The following NOTCH2NLC variants were observed in gnomAD, a reference collection of about 807,000 sequenced individuals.
NOTCH2NLC encodes the protein notch homolog 2 N-terminal-like protein C.
A neutral mutation model predicts 17.7 loss-of-function variants in NOTCH2NLC; 4 were observed. That is an observed-to-expected ratio of 0.23 (90% confidence interval 0.11 to 0.52). The LOEUF (loss-of-function observed/expected upper bound fraction) is 0.52, where lower values mean the gene tolerates loss of function less well. Ranked by LOEUF, NOTCH2NLC falls within the 20% of genes least tolerant of loss-of-function variation. NOTCH2NLC has a pLI of 0.96. For missense variants in NOTCH2NLC, 57 were observed against 207.2 expected (o/e 0.28, Z 4.45); for synonymous variants, 18 against 86.0 (o/e 0.21, Z 4.38).
chr1:149,419,660 T>G (rs1346513578), intron 1 of NOTCH2NLC, among the ~76,000 whole-genome samples: 9 of 149,338 alleles, frequency 6.0e-5, no homozygotes, highest in African/African-American at 2.2e-4. Context: ...AGGACTGGCG[T>G]TTTTAAGAGG....
intron 3 of NOTCH2NLC, among the ~76,000 whole-genome samples, chr1:149,461,620 T>C (rs2084650380): frequency 6.6e-6 from 1 of 151,294 alleles, no homozygotes; most frequent in Admixed American, 6.6e-5. Context: ...GTTCTCGCCA[T>C]CCCATTACTG....
chr1:149,390,855 C>G lies in NOTCH2NLC; in HGVS notation c.68C>G (p.Ala23Gly). The G allele has an allele frequency of 7.7e-7, 1 of 1,291,962 alleles. No homozygotes were observed. Among genetic ancestry groups the G allele is most frequent in the South Asian group, 1.6e-5 (1 of 63,896 alleles). 80.0% of individuals were successfully genotyped at this position (1,291,962 alleles called of 1,614,324 possible). Residue 23 changes from alanine (A) to glycine (G), a missense_variant, in exon 1 of 5, where the codon GCC becomes GGC. Around this residue, in one of 7 missense-constraint regions of NOTCH2NLC, gnomAD observed 25 missense variants for 27.0 expected, o/e 0.93. Coordinates refer to ENST00000650865, the MANE Select transcript of NOTCH2NLC (RefSeq NM_001364013.2). ...GGAGGAGGCGGCGACCGAGAAGATG[C>G]CCGCCCTGCGCCGCTCTGCTGTGGG... is the stretch of plus-strand genomic sequence containing the variant. Reference protein sequence around the residue: ...GGGGGGDREDARPAPLCCGRC... With the variant: ...GGGGGGDREDGRPAPLCCGRC...
intron 1 of NOTCH2NLC, 149 bp from the exon 2 acceptor site, chr1:149,430,793 C>T (rs1386538229): frequency 5.7e-5 from 26 of 456,432 alleles, no homozygotes; most frequent in African/African-American, 5.2e-4. Context: ...GAAGCCAAAA[C>T]ATAAAAAACT....
At position 149,465,107 on chromosome 1, in the gene NOTCH2NLC, CTATT is replaced by C. The variant is rs1229749682; in HGVS notation, c.*957_*960del. ...ATATTATTTAAGTCACAAGAACAAG[CTATT>C]TAATTATATTACTTTTAGTTTCTCT... On this transcript the variant is annotated 3_prime_UTR_variant, in exon 5 of 5. Transcript: ENST00000650865. 3.6e-5 allele frequency: 5 copies of C among 138,738 alleles called. No homozygotes were observed. Among genetic ancestry groups the C allele is most frequent in the Non-Finnish European group, 7.9e-5 (5 of 63,422 alleles). 8.6% of individuals were successfully genotyped at this position (138,738 alleles called of 1,614,324 possible).
At chr1:149,416,866 T>G (rs2084338275) in intron 1 of NOTCH2NLC, among the ~76,000 whole-genome samples, 2 of 139,266 alleles carry the variant, frequency 1.4e-5, no homozygotes, top group Non-Finnish European at 3.1e-5. Flanking sequence ...CATTAGGGCA[T>G]GTGTATGAGT....
chr1:149,416,846 G>T (rs2101476420), intron 1 of NOTCH2NLC, among the ~76,000 whole-genome samples: 1 of 142,118 alleles, frequency 7.0e-6, no homozygotes, highest in Non-Finnish European at 1.5e-5. Context: ...GCTAGTCAAT[G>T]GGTGTTAGTC....
At chr1:149,445,261 T>G (rs2084542787) in intron 2 of NOTCH2NLC, among the ~76,000 whole-genome samples, 1 of 147,734 alleles carries the variant, frequency 6.8e-6, no homozygotes, top group South Asian at 2.2e-4. Flanking sequence ...CTTGATTCTA[T>G]AGGCTCTGGG....
chr1:149,390,770 T>C lies in NOTCH2NLC; in HGVS notation c.-18T>C. The C allele has an allele frequency of 8.4e-7, 1 of 1,188,104 alleles. No individual in the cohort carries two copies. Among genetic ancestry groups the C allele is most frequent in the East Asian group, 4.1e-5 (1 of 24,104 alleles). 73.6% of individuals were successfully genotyped at this position (1,188,104 alleles called of 1,614,324 possible). A position where few individuals can be genotyped will look rare whatever the true frequency, so the allele number is the denominator to read the frequency against. On this transcript the variant is annotated 5_prime_UTR_variant, in exon 1 of 5. Transcript: ENST00000650865. ...AGGGGAGGAGAGAGTGGGGCTCCTC[T>C]ATCGGGACCCCCTCCCCATGTGGAT... is the stretch of plus-strand genomic sequence containing the variant.
intron 1 of NOTCH2NLC, among the ~76,000 whole-genome samples, chr1:149,415,892 T>A (rs1360827376): frequency 6.6e-6 from 1 of 150,536 alleles, no homozygotes; most frequent in Non-Finnish European, 1.5e-5. Context: ...CCCTGAATTT[T>A]GATAATTTAT....
chr1:149,394,523 C>A (rs1308282170), intron 1 of NOTCH2NLC, among the ~76,000 whole-genome samples: 16 of 151,070 alleles, frequency 1.1e-4, no homozygotes, highest in Non-Finnish European at 2.2e-4. Context: ...ATAATAAATT[C>A]TCCACCTCTC....
At chr1:149,429,857 G>T (rs1422759041) in intron 1 of NOTCH2NLC, among the ~76,000 whole-genome samples, 1 of 150,292 alleles carries the variant, frequency 6.7e-6, no homozygotes, top group East Asian at 2.0e-4. Flanking sequence ...TTGCTTTCAG[G>T]TATTTATACA....
chr1:149,430,796 A>G (rs1366579457), intron 1 of NOTCH2NLC, 146 bp from the exon 2 acceptor site: 1 of 452,212 alleles, frequency 2.2e-6, no homozygotes, highest in Non-Finnish European at 4.2e-6. Context: ...GCCAAAACAT[A>G]AAAAACTGAT....
At position 149,390,854 on chromosome 1, in the gene NOTCH2NLC, G is replaced by C; in HGVS notation, c.67G>C (p.Ala23Pro). The C allele has an allele frequency of 7.1e-7, 1 of 1,401,678 alleles. No homozygotes were observed. The highest frequency in any genetic ancestry group is 9.3e-7 in the Non-Finnish European group (1 of 1,081,054). The allele number at this position is 1,401,678 out of a possible 1,614,324, so 86.8% of individuals were successfully genotyped here. A position where few individuals can be genotyped will look rare whatever the true frequency, so the allele number is the denominator to read the frequency against. The change falls in exon 1 of 5, where the codon GCC becomes CCC. Residue 23 changes from alanine to proline, a missense_variant. Ala to Pro is a conservative substitution (Grantham distance 27). Around this residue, in one of 7 missense-constraint regions of NOTCH2NLC, gnomAD observed 25 missense variants for 27.0 expected, o/e 0.93. Coordinates refer to ENST00000650865, the MANE Select transcript of NOTCH2NLC (RefSeq NM_001364013.2). ...CGGAGGAGGCGGCGACCGAGAAGAT[G>C]CCCGCCCTGCGCCGCTCTGCTGTGG... ...GGGGGGDRED[A>P]RPAPLCCGRC... is the part of the protein sequence containing the mutation.
intron 2 of NOTCH2NLC, among the ~76,000 whole-genome samples, chr1:149,448,567 C>T (rs1487054558): frequency 6.8e-6 from 1 of 147,124 alleles, no homozygotes; most frequent in Non-Finnish European, 1.5e-5. Context: ...TAAAAAAGTA[C>T]ACATATCCAT....
chr1:149,426,576 C>CTTTTT (rs1224339764), intron 1 of NOTCH2NLC, among the ~76,000 whole-genome samples: 3 of 104,452 alleles, frequency 2.9e-5, no homozygotes, highest in Non-Finnish European at 3.8e-5. Flanking sequence ...TTCTTTTTGC[C>CTTTTT]TTTTTTTTTT....
chr1:149,426,604 G>T (rs2084414403), intron 1 of NOTCH2NLC, among the ~76,000 whole-genome samples: 1 of 132,110 alleles, frequency 7.6e-6, no homozygotes. Flanking sequence ...TTTTTTGGTG[G>T]AGTAGAGGAG....
intron 1 of NOTCH2NLC, among the ~76,000 whole-genome samples, chr1:149,427,181 C>T (rs2084417627): frequency 6.6e-6 from 1 of 150,388 alleles, no homozygotes. Context: ...TGTATAATAC[C>T]CTATTATTAA....
At chr1:149,415,853 T>C (rs2101475659) in intron 1 of NOTCH2NLC, among the ~76,000 whole-genome samples, 1 of 148,980 alleles carries the variant, frequency 6.7e-6, no homozygotes, top group South Asian at 2.1e-4. Flanking sequence ...CAAAAATTCA[T>C]TTCCTCCTTA....
chr1:149,424,550 T>C, intron 1 of NOTCH2NLC, among the ~76,000 whole-genome samples: 1 of 150,962 alleles, frequency 6.6e-6, no homozygotes, highest in Non-Finnish European at 1.5e-5. Flanking sequence ...AGTGGAACTG[T>C]ATTAAAATTG....
Sources: allele counts gnomAD v4.1 joint callset (sites outside exome capture counted in the v4.1 genomes callset), GRCh38; gene constraint gnomAD v4.1.1; regional missense constraint gnomAD v4.1.1; transcripts MANE v1.5; gene names NCBI Gene and HGNC (gene_info 2026-07-23, HGNC 2026-07-21).